The following PBX3 variants were observed in gnomAD, a reference collection of about 807,000 sequenced individuals.
PBX3 encodes pre-B-cell leukemia transcription factor 3.
In PBX3, 14 loss-of-function variants were observed where a neutral mutation model predicts 48.5. The ratio of observed to expected loss-of-function variants is 0.29; its 90% CI spans 0.19 to 0.45. The LOEUF (loss-of-function observed/expected upper bound fraction) is 0.45, where lower values mean the gene tolerates loss of function less well. Among genes scored for constraint, PBX3 ranks in the 20% least tolerant of loss-of-function variants. PBX3 has a pLI of 1.00. For synonymous variants in PBX3, 210 were observed against 200.3 expected (o/e 1.05, Z -0.41); for missense variants, 386 against 546.7 (o/e 0.71, Z 2.93).
chr9:125,793,154 C>T (rs1837661205), intron 2 of PBX3, among the ~76,000 whole-genome samples: 1 of 150,778 alleles, frequency 6.6e-6, no homozygotes, highest in African/African-American at 2.4e-5. Flanking sequence ...AGATCGAGAC[C>T]ATCCTGGCTA....
intron 2 of PBX3, among the ~76,000 whole-genome samples, chr9:125,877,573 A>AT (rs978019936): frequency 6.6e-6 from 1 of 152,124 alleles, no homozygotes; most frequent in Non-Finnish European, 1.5e-5. Context: ...AATATATTCT[A>AT]TTTTTTATAC....
intron 5 of PBX3, among the ~76,000 whole-genome samples, chr9:125,959,919 G>A (rs545520010): frequency 9.4e-4 from 143 of 152,272 alleles, no homozygotes; most frequent in Non-Finnish European, 1.7e-3. Flanking sequence ...TGATTCTGGG[G>A]CTGAGCTCTG....
intron 2 of PBX3, among the ~76,000 whole-genome samples, chr9:125,871,987 A>G (rs1013259187): frequency 6.6e-6 from 1 of 152,210 alleles, no homozygotes; most frequent in Admixed American, 6.5e-5. Context: ...TTCTGTGTAT[A>G]TATCTTATAA....
chr9:125,890,141 T>G (rs907134559), intron 2 of PBX3, among the ~76,000 whole-genome samples: 1 of 152,182 alleles, frequency 6.6e-6, no homozygotes, highest in Admixed American at 6.5e-5. Flanking sequence ...GGATGCATTT[T>G]CTTGATTTCA....
chr9:125,907,929 C>A (rs1841114379), intron 2 of PBX3, among the ~76,000 whole-genome samples: 1 of 152,048 alleles, frequency 6.6e-6, no homozygotes, highest in African/African-American at 2.4e-5. Context: ...GACATCCACC[C>A]TGTAAGGTTA....
rs1205437572 is a variant in PBX3 at position 125,855,108 on chromosome 9, A to G, written c.275-60578A>G. On this transcript the variant is annotated intron_variant, in intron 2 of 8. Coordinates refer to ENST00000373489, the MANE Select transcript of PBX3 (RefSeq NM_006195.6). Reference sequence around the variant, plus strand: ...CTCTTGACATGAATTCTGTCTTTCAATGGTTGATTCACTTCAGCCATACTG... The same window carrying G: ...CTCTTGACATGAATTCTGTCTTTCAGTGGTTGATTCACTTCAGCCATACTG... Among the ~76,000 whole-genome samples, 5 of 152,318 alleles carry G rather than the reference A, an allele frequency of 3.3e-5. No homozygotes were observed. In the East Asian group the frequency reaches 5.8e-4, roughly 18 times the overall value.
intron 2 of PBX3, among the ~76,000 whole-genome samples, chr9:125,884,513 A>G (rs961904233): frequency 6.6e-6 from 1 of 152,236 alleles, no homozygotes; most frequent in African/African-American, 2.4e-5. Context: ...GAGAATTTCA[A>G]TCAAGAACAA....
intron 2 of PBX3, among the ~76,000 whole-genome samples, chr9:125,758,378 G>T (rs539617959): frequency 6.6e-6 from 1 of 150,788 alleles, no homozygotes; most frequent in Admixed American, 6.6e-5. Flanking sequence ...CTAATATTTT[G>T]CAGAATATTG....
chr9:125,779,900 A>C (rs1588137964), intron 2 of PBX3, among the ~76,000 whole-genome samples: 3 of 102,766 alleles, frequency 2.9e-5, no homozygotes, highest in African/African-American at 8.0e-5. Context: ...TGACCCCCCC[A>C]CCTCCCTCCC....
intron 2 of PBX3, among the ~76,000 whole-genome samples, chr9:125,878,530 C>T (rs764273680): frequency 2.0e-5 from 3 of 152,182 alleles, no homozygotes; most frequent in Non-Finnish European, 4.4e-5. Flanking sequence ...AGGAGGTAGC[C>T]AGCCTCTCTG....
intron 2 of PBX3, among the ~76,000 whole-genome samples, chr9:125,750,803 G>A (rs902481773): frequency 6.6e-6 from 1 of 152,192 alleles, no homozygotes; most frequent in South Asian, 2.1e-4. Flanking sequence ...CTCTAAGCTC[G>A]AGAGGGATGG....
In PBX3 at chr9:125,915,937, C is replaced by T. The variant is rs1841321585; in HGVS notation, c.516+10C>T. The T allele has an allele frequency of 3.7e-6, 6 of 1,611,658 alleles. No homozygotes were observed. The highest frequency in any genetic ancestry group is 1.3e-5 in the African/African-American group (1 of 74,848). ...GGAGAAATATGAACAGGTCAGCAGC[C>T]GCCACTCTCATAGTCCTACACAAAC... is the stretch of plus-strand genomic sequence containing the variant. On this transcript the variant is annotated intron_variant, in intron 3 of 8. Transcript: ENST00000373489.
intron 2 of PBX3, among the ~76,000 whole-genome samples, chr9:125,777,570 C>T (rs937591286): frequency 1.3e-5 from 2 of 151,182 alleles, no homozygotes; most frequent in African/African-American, 4.9e-5. Context: ...TACCATGTTG[C>T]CCAGGCTGGT....
chr9:125,803,091 C>CTTTTT (rs59714151), intron 2 of PBX3, among the ~76,000 whole-genome samples: 15 of 108,914 alleles, frequency 1.4e-4, no homozygotes, highest in South Asian at 2.9e-4. Flanking sequence ...CCACTAATGT[C>CTTTTT]TTTTTTTTTT....
At position 125,801,790 on chromosome 9, in the gene PBX3, T is replaced by TACACACACACACACAC. The variant is rs367989628; in HGVS notation, c.274+53187_274+53202dup. Among the ~76,000 whole-genome samples, 1,011 of 146,270 alleles carry TACACACACACACACAC rather than the reference T, an allele frequency of 6.9e-3. 8 individuals carry two copies. Among genetic ancestry groups the TACACACACACACACAC allele is most frequent in the African/African-American group, 0.01 (396 of 39,230 alleles). ...ATGTTTATATGAACATGTATACACA[T>TACACACACACACACAC]ACACACACACACACACACACACACA... On this transcript the variant is annotated intron_variant, in intron 2 of 8. Transcript: ENST00000373489.
At chr9:125,815,978 TTCTCTC>T (rs10548529) in intron 2 of PBX3, among the ~76,000 whole-genome samples, 5,447 of 152,050 alleles carry the variant, frequency 0.036, 340 homozygotes, top group African/African-American at 0.12. Context: ...CCCCTACTCT[TTCTCTC>T]TGCCTCCCTC....
At chr9:125,868,218 T>C (rs1343463473) in intron 2 of PBX3, among the ~76,000 whole-genome samples, 4 of 152,160 alleles carry the variant, frequency 2.6e-5, no homozygotes, top group Non-Finnish European at 2.9e-5. Context: ...CTAGGCACTG[T>C]GCCAAGCACT....
At chr9:125,821,664 C>G (rs957647364) in intron 2 of PBX3, among the ~76,000 whole-genome samples, 2 of 152,076 alleles carry the variant, frequency 1.3e-5, no homozygotes, top group Admixed American at 6.6e-5. Context: ...AGATTAGTTT[C>G]ATTTTATCAC....
chr9:125,810,913 A>T (rs1838270999), intron 2 of PBX3, among the ~76,000 whole-genome samples: 1 of 152,200 alleles, frequency 6.6e-6, no homozygotes, highest in Non-Finnish European at 1.5e-5. Context: ...GAGGTGTGGT[A>T]TCTGTGCCCA....
Sources: allele counts gnomAD v4.1 joint callset (sites outside exome capture counted in the v4.1 genomes callset), GRCh38; gene constraint gnomAD v4.1.1; transcripts MANE v1.5; gene names NCBI Gene and HGNC (gene_info 2026-07-23, HGNC 2026-07-21).